Variants in PARD3B observed in about 807,000 individuals in gnomAD.
PARD3B encodes partitioning defective 3 homolog B.
In PARD3B, 103 loss-of-function variants were observed where a neutral mutation model predicts 130.2. That is an observed-to-expected ratio of 0.79 (90% CI 0.67 to 0.93). PARD3B has a LOEUF of 0.93. Among genes scored for constraint, PARD3B ranks in the 40% least tolerant of loss-of-function variants. The pLI is 0.00. For synonymous variants in PARD3B, 583 were observed against 553.2 expected (o/e 1.05, Z -0.76); for missense variants, 1,609 against 1,499.2 (o/e 1.07, Z -1.21).
chr2:205,151,101 C>T (rs1466156058), intron 10 of PARD3B, among the ~76,000 whole-genome samples: 1 of 152,148 alleles, frequency 6.6e-6, no homozygotes, highest in Non-Finnish European at 1.5e-5. Context: ...AAACACCATG[C>T]TGTACTCCAT....
chr2:204,656,846 A>G (rs1454766432), intron 1 of PARD3B, among the ~76,000 whole-genome samples: 1 of 152,178 alleles, frequency 6.6e-6, no homozygotes, highest in Non-Finnish European at 1.5e-5. Flanking sequence ...TGAGATTTTA[A>G]TAAGCTTTAA....
intron 18 of PARD3B, among the ~76,000 whole-genome samples, chr2:205,315,967 C>T (rs1040039119): frequency 9.2e-5 from 14 of 152,088 alleles, no homozygotes; most frequent in African/African-American, 2.9e-4. Context: ...ACATCTGTCT[C>T]GTGCCCTTAA....
chr2:204,956,001 G>T (rs923151720), intron 2 of PARD3B, among the ~76,000 whole-genome samples: 3 of 152,136 alleles, frequency 2.0e-5, no homozygotes, highest in African/African-American at 7.2e-5. Context: ...ACCACACCCA[G>T]ATCTGTTTGC....
intron 2 of PARD3B, among the ~76,000 whole-genome samples, chr2:204,734,378 T>C (rs2039652767): frequency 6.6e-6 from 1 of 152,198 alleles, no homozygotes; most frequent in East Asian, 1.9e-4. Flanking sequence ...AAGTTAAACC[T>C]GTGCTTAGCC....
intron 21 of PARD3B, among the ~76,000 whole-genome samples, chr2:205,551,209 C>CAATCACATTTAAT (rs1288224458): frequency 2.0e-5 from 3 of 151,782 alleles, no homozygotes; most frequent in Non-Finnish European, 4.4e-5. Context: ...GATTTTCCAA[C>CAATCACATTTAAT]AATCACAATT....
intron 18 of PARD3B, among the ~76,000 whole-genome samples, chr2:205,350,152 G>A (rs1310035717): frequency 6.6e-6 from 1 of 152,170 alleles, no homozygotes; most frequent in African/African-American, 2.4e-5. Context: ...TTGGGGTTTA[G>A]GTTAAAAGCA....
At chr2:205,582,605 C>T (rs1328864149) in intron 22 of PARD3B, among the ~76,000 whole-genome samples, 1 of 151,446 alleles carries the variant, frequency 6.6e-6, no homozygotes, top group Non-Finnish European at 1.5e-5. Context: ...TTGCCTTTTC[C>T]TCAAATATTT....
intron 2 of PARD3B, among the ~76,000 whole-genome samples, chr2:204,864,327 C>G (rs930291726): frequency 6.6e-5 from 10 of 152,136 alleles, no homozygotes; most frequent in African/African-American, 2.4e-4. Flanking sequence ...AACTTCTTAC[C>G]TGGGACTTGA....
chr2:204,772,566 A>G (rs989799287), intron 2 of PARD3B, among the ~76,000 whole-genome samples: 3 of 151,998 alleles, frequency 2.0e-5, no homozygotes, highest in Admixed American at 2.0e-4. Context: ...AGAAAGTAGA[A>G]CACAGTTTAT....
intron 18 of PARD3B, among the ~76,000 whole-genome samples, chr2:205,396,705 G>A (rs1351557088): frequency 1.3e-5 from 2 of 152,130 alleles, no homozygotes; most frequent in Non-Finnish European, 2.9e-5. Context: ...TATAAAGTAA[G>A]GTTGACCTCT....
intron 1 of PARD3B, 145 bp downstream of exon 1, chr2:204,546,264 C>T: frequency 8.4e-7 from 1 of 1,194,738 alleles, no homozygotes; most frequent in Non-Finnish European, 1.2e-6. Flanking sequence ...TTGCTAATAT[C>T]AGTGATGTGG....
intron 2 of PARD3B, among the ~76,000 whole-genome samples, chr2:204,694,349 A>G (rs748330397): frequency 4.5e-4 from 69 of 152,102 alleles, no homozygotes; most frequent in Non-Finnish European, 7.1e-4. Flanking sequence ...ACCACTTACC[A>G]TCTCGAAGTT....
chr2:205,425,640 T>A (rs2047121119), intron 19 of PARD3B, among the ~76,000 whole-genome samples: 1 of 152,000 alleles, frequency 6.6e-6, no homozygotes, highest in Non-Finnish European at 1.5e-5. Flanking sequence ...TCTGTGGTCA[T>A]CCCACCTAGA....
intron 2 of PARD3B, among the ~76,000 whole-genome samples, chr2:204,801,687 TA>T (rs2042576073): frequency 6.6e-6 from 1 of 152,224 alleles, no homozygotes; most frequent in South Asian, 2.1e-4. Context: ...CCTATTTGAA[TA>T]CCCTTTATTT....
intron 22 of PARD3B, among the ~76,000 whole-genome samples, chr2:205,586,516 C>G (rs1204754568): frequency 1.3e-5 from 2 of 152,106 alleles, no homozygotes; most frequent in East Asian, 3.9e-4. Flanking sequence ...TCTGGCCTGA[C>G]CTTTCCTTGT....
chr2:205,076,835 G>T (rs929667036), intron 4 of PARD3B, among the ~76,000 whole-genome samples: 1 of 152,002 alleles, frequency 6.6e-6, no homozygotes, highest in Non-Finnish European at 1.5e-5. Flanking sequence ...GGGGACCACT[G>T]CTCTAGATAA....
At chr2:205,489,903 A>T (rs1317871782) in intron 20 of PARD3B, among the ~76,000 whole-genome samples, 1 of 152,156 alleles carries the variant, frequency 6.6e-6, no homozygotes, top group Non-Finnish European at 1.5e-5. Flanking sequence ...GCCCCAAGTG[A>T]TAAAGAGCAA....
intron 16 of PARD3B, among the ~76,000 whole-genome samples, chr2:205,256,181 TG>T (rs35534897): frequency 0.5 from 76,190 of 151,666 alleles, 19,982 homozygotes; most frequent in Admixed American, 0.63. Context: ...CCTCTCAGGA[TG>T]TTTTTTTTAA....
intron 2 of PARD3B, among the ~76,000 whole-genome samples, chr2:204,855,589 T>C (rs1038798431): frequency 2.0e-5 from 3 of 150,382 alleles, no homozygotes; most frequent in South Asian, 2.1e-4. Flanking sequence ...TTTAAAAATA[T>C]ATAATACATT....
Sources: gnomAD v4.1 joint callset for allele counts (sites outside exome capture counted in the v4.1 genomes callset) on GRCh38, gnomAD v4.1.1 for gene constraint, MANE v1.5 for transcripts, NCBI Gene and HGNC (gene_info 2026-07-23, HGNC 2026-07-21) for gene names.